Variants in ANO3 observed in about 807,000 individuals in gnomAD.
The protein encoded by ANO3 is anoctamin 3.
ANO3 carries 99 observed loss-of-function variants against 144.8 expected under a neutral mutation model. The observed-to-expected ratio is 0.68, with a 90% confidence interval of 0.58 to 0.81. The LOEUF is 0.81. ANO3 is among the 30% of genes least tolerant of loss of function. ANO3 has a pLI of 0.00. For missense variants in ANO3, 905 were observed against 1,202.2 expected, an observed-to-expected ratio of 0.75 and a Z score of 3.66; for synonymous variants, 414 against 392.6, an observed-to-expected ratio of 1.05 and a Z score of -0.64.
intron 1 of ANO3, among the ~76,000 whole-genome samples, chr11:26,411,280 A>T (rs1490070011): frequency 4.6e-5 from 7 of 152,010 alleles, no homozygotes; most frequent in Non-Finnish European, 1.0e-4. Flanking sequence ...AGATGGATGT[A>T]AATGTAAAGC....
intron 1 of ANO3, among the ~76,000 whole-genome samples, chr11:26,201,757 G>GTT (rs1392116521): frequency 7.4e-5 from 11 of 148,824 alleles, no homozygotes; most frequent in African/African-American, 2.7e-4. Context: ...TTTGAAGGAA[G>GTT]TTTTGTTTTT....
At chr11:26,430,871 A>G (rs1858065981) in intron 1 of ANO3, among the ~76,000 whole-genome samples, 1 of 152,256 alleles carries the variant, frequency 6.6e-6, no homozygotes, top group Non-Finnish European at 1.5e-5. Flanking sequence ...ACAGATGTAT[A>G]GAAAACAAAA....
At chr11:26,262,083 G>A (rs1417570281) in intron 1 of ANO3, among the ~76,000 whole-genome samples, 1 of 152,112 alleles carries the variant, frequency 6.6e-6, no homozygotes, top group Middle Eastern at 3.2e-3. Flanking sequence ...GTTTCTCCTA[G>A]CCTATTCTTG....
At chr11:26,243,001 T>C (rs1852694356) in intron 1 of ANO3, among the ~76,000 whole-genome samples, 1 of 151,686 alleles carries the variant, frequency 6.6e-6, no homozygotes, top group Admixed American at 6.6e-5. Flanking sequence ...AAATACAGAC[T>C]CCATGGTTTT....
intron 10 of ANO3, among the ~76,000 whole-genome samples, chr11:26,539,286 A>G (rs1007752272): frequency 6.6e-6 from 1 of 152,094 alleles, no homozygotes; most frequent in African/African-American, 2.4e-5. Context: ...GGCAGGGACC[A>G]CTGAGTGTAC....
intron 1 of ANO3, chr11:26,427,458 T>G (rs569880799): frequency 3.3e-5 from 5 of 152,250 alleles, no homozygotes; most frequent in Admixed American, 1.3e-4. Context: ...GGCCCAAGTT[T>G]CCCGCCAAAA....
intron 17 of ANO3, among the ~76,000 whole-genome samples, chr11:26,610,418 T>C (rs145198428): frequency 6.6e-6 from 1 of 152,178 alleles, no homozygotes; most frequent in East Asian, 1.9e-4. Context: ...TTTTTGTTGT[T>C]ATTTAAGTCC....
chr11:26,252,179 G>A (rs566205222), intron 1 of ANO3, among the ~76,000 whole-genome samples: 7 of 152,186 alleles, frequency 4.6e-5, no homozygotes, highest in Non-Finnish European at 5.9e-5. Flanking sequence ...AAAAAGTCAC[G>A]TTATTTAATA....
intron 1 of ANO3, among the ~76,000 whole-genome samples, chr11:26,298,570 A>C (rs904624795): frequency 6.6e-6 from 1 of 152,214 alleles, no homozygotes; most frequent in South Asian, 2.1e-4. Context: ...TACTCTGAGT[A>C]AAGTGGGGCT....
At chr11:26,531,851 GT>G (rs1197056810) in intron 8 of ANO3, among the ~76,000 whole-genome samples, 3 of 151,924 alleles carry the variant, frequency 2.0e-5, no homozygotes, top group African/African-American at 7.3e-5. Context: ...ATACATACCT[GT>G]TTATTTATTC....
intron 1 of ANO3, 47 bp from the exon 2 acceptor site, chr11:26,441,870 CT>C (rs745906345): frequency 6.9e-7 from 1 of 1,454,422 alleles, no homozygotes; most frequent in South Asian, 1.2e-5. Flanking sequence ...TTATTGACCT[CT>C]ACTGATTGAT....
At chr11:26,191,462 C>T (rs1851476756) in intron 1 of ANO3, among the ~76,000 whole-genome samples, 1 of 152,036 alleles carries the variant, frequency 6.6e-6, no homozygotes, top group African/African-American at 2.4e-5. Flanking sequence ...TAACTGATCT[C>T]ACCTTCTCCA....
At chr11:26,643,072 G>T in intron 22 of ANO3, 110 bp from the exon 23 acceptor site, 2 of 925,088 alleles carry the variant, frequency 2.2e-6, no homozygotes, top group Non-Finnish European at 1.7e-6. Flanking sequence ...ATGAGATAAA[G>T]CTATCTACTT....
chr11:26,517,088 T>C (rs1389262532), intron 6 of ANO3, among the ~76,000 whole-genome samples, 161 bp downstream of exon 6: 1 of 152,006 alleles, frequency 6.6e-6, no homozygotes, highest in Non-Finnish European at 1.5e-5. Context: ...CTAATTTGTT[T>C]GCCTAATTTG....
At chr11:26,627,115 T>TTA (rs145115801) in intron 18 of ANO3, among the ~76,000 whole-genome samples, 20,972 of 150,128 alleles carry the variant, frequency 0.14, 1,820 homozygotes, top group Non-Finnish European at 0.2. Flanking sequence ...TTAAATTCTT[T>TTA]TATATATATA....
At chr11:26,486,608 A>T (rs1011872702) in intron 4 of ANO3, among the ~76,000 whole-genome samples, 2 of 152,184 alleles carry the variant, frequency 1.3e-5, no homozygotes, top group Non-Finnish European at 2.9e-5. Context: ...GGTAACAAGA[A>T]GCTATACAAG....
intron 1 of ANO3, among the ~76,000 whole-genome samples, chr11:26,439,715 T>C (rs1431329941): frequency 2.0e-5 from 3 of 152,170 alleles, no homozygotes; most frequent in Non-Finnish European, 4.4e-5. Context: ...TAAGACATAA[T>C]ATATAATGTG....
At position 26,661,256 on chromosome 11, in the gene ANO3, C is replaced by A. The variant is rs990804993; in HGVS notation, c.*812C>A. Reference sequence around the variant, plus strand: ...TATATAGTTTAGAACACAACTAATCCATACTTTATTGTGGAAGGCTGTTTT... The same window carrying A: ...TATATAGTTTAGAACACAACTAATCAATACTTTATTGTGGAAGGCTGTTTT... On this transcript the variant is annotated 3_prime_UTR_variant, in exon 27 of 27. Transcript: ENST00000256737. 5 of 152,558 alleles carry A rather than the reference C, an allele frequency of 3.3e-5. No individual in the cohort carries two copies. Among genetic ancestry groups the A allele is most frequent in the African/African-American group, 1.2e-4 (5 of 41,436 alleles). The allele number at this position is 152,558 out of a possible 1,614,324, so 9.5% of individuals were successfully genotyped here.
chr11:26,388,793 C>T (rs984092031), intron 1 of ANO3, among the ~76,000 whole-genome samples: 11 of 152,018 alleles, frequency 7.2e-5, no homozygotes, highest in South Asian at 2.1e-4. Context: ...ATCTATGGAA[C>T]GGGGAATTAA....
Sources: gnomAD v4.1 joint callset for allele counts (sites outside exome capture counted in the v4.1 genomes callset) on GRCh38, gnomAD v4.1.1 for gene constraint, MANE v1.5 for transcripts, NCBI Gene and HGNC (gene_info 2026-07-23, HGNC 2026-07-21) for gene names.